Variants in FAM53A observed in about 807,000 individuals in gnomAD.
The protein encoded by FAM53A is protein FAM53A.
In FAM53A, 28 loss-of-function variants were observed where a neutral mutation model predicts 26.6. The observed-to-expected ratio is 1.05, with a 90% confidence interval of 0.78 to 1.45. FAM53A has a LOEUF of 1.45. FAM53A is among the 40% of genes most tolerant of loss of function. The pLI, the probability that FAM53A is intolerant of heterozygous loss-of-function variation, is 0.00. For synonymous variants in FAM53A, 290 were observed against 253.1 expected (o/e 1.15, Z -1.38); for missense variants, 650 against 575.8 (o/e 1.13, Z -1.32).
chr4:1,655,167 A>T lies in FAM53A; in HGVS notation c.693T>A (p.Gly231=). The T allele has an allele frequency of 6.4e-7, 1 of 1,572,202 alleles. No individual in the cohort carries two copies. Residue 231 remains glycine, a synonymous_variant, in exon 4 of 5, where the codon GGT becomes GGA. Transcript: ENST00000308132. ...TGGCCCAGGGCAGGGGAGTGCCCGC[A>T]CCCGCGAGTCGCTCCTGTGAGAGGG... ...RPSLSQERLA[G]AGTPLPWASS...
At chr4:1,624,422 C>T (rs569776811) in intron 1 of FAM53A, among the ~76,000 whole-genome samples, 4 of 152,172 alleles carry the variant, frequency 2.6e-5, no homozygotes, top group African/African-American at 4.8e-5. Context: ...CGTGACCCCC[C>T]GAACCACAAA....
intron 1 of FAM53A, among the ~76,000 whole-genome samples, chr4:1,670,556 T>G (rs941730027): frequency 5.3e-5 from 8 of 152,222 alleles, no homozygotes; most frequent in Non-Finnish European, 1.0e-4. Context: ...AGCTAAAGGC[T>G]GTGCCCGCCT....
intron 4 of FAM53A, among the ~76,000 whole-genome samples, chr4:1,651,210 G>T (rs144350323): frequency 7.3e-6 from 1 of 137,650 alleles, no homozygotes; most frequent in African/African-American, 2.7e-5. Flanking sequence ...GGGACAGAGC[G>T]AGACTCCATC....
In FAM53A at chr4:1,668,780, C is replaced by G. The variant is rs748292345; in HGVS notation, c.-39G>C. 1 of 1,598,404 alleles carries G rather than the reference C, an allele frequency of 6.3e-7. No homozygotes were observed. The highest frequency in any genetic ancestry group is 2.2e-5 in the East Asian group (1 of 44,760). Reference sequence around the variant, plus strand: ...TGTCCTCCGTCCACACCAACAGGCACTGGAGTCCTGGAACATCAGACTTGC... The same window carrying G: ...TGTCCTCCGTCCACACCAACAGGCAGTGGAGTCCTGGAACATCAGACTTGC... On this transcript the variant is annotated 5_prime_UTR_variant, in exon 2 of 5. Transcript: ENST00000308132.
chr4:1,626,646 C>G (rs1715319675), intron 1 of FAM53A, among the ~76,000 whole-genome samples: 1 of 151,978 alleles, frequency 6.6e-6, no homozygotes, highest in Non-Finnish European at 1.5e-5. Flanking sequence ...AAACTCTCAG[C>G]CACGGCCATG....
the FAM53A span, among the ~76,000 whole-genome samples, chr4:1,583,258 C>T: frequency 2.6e-5 from 4 of 152,114 alleles, no homozygotes; most frequent in African/African-American, 9.7e-5. Flanking sequence ...GGCGGAGTGT[C>T]CTCTGCAGGC....
the FAM53A span, among the ~76,000 whole-genome samples, chr4:1,599,756 C>T: frequency 2.6e-5 from 4 of 152,272 alleles, no homozygotes; most frequent in South Asian, 2.1e-4. The surrounding 1 kb of genome is among the most constrained non-coding windows in gnomAD (Gnocchi z 6.1). Flanking sequence ...CCACACACCC[C>T]GCCACCTGCC....
chr4:1,619,324 G>A (rs756808523), intron 1 of FAM53A, among the ~76,000 whole-genome samples: 33 of 152,310 alleles, frequency 2.2e-4, no homozygotes, highest in Admixed American at 1.0e-3. Flanking sequence ...CTGCCAGGGC[G>A]GCCAACGACC....
chr4:1,675,669 C>T (rs1193299538), intron 1 of FAM53A, among the ~76,000 whole-genome samples: 2 of 152,240 alleles, frequency 1.3e-5, no homozygotes, highest in Non-Finnish European at 2.9e-5. Flanking sequence ...CAGCAGCCTA[C>T]ACTCATTCCC....
chr4:1,674,092 C>T (rs759368977), intron 1 of FAM53A, among the ~76,000 whole-genome samples: 22 of 152,246 alleles, frequency 1.4e-4, no homozygotes, highest in African/African-American at 4.6e-4. Flanking sequence ...TTTACTCTCA[C>T]AGTTCTGGAG....
chr4:1,656,671 GGGGGT>G (rs774593025), intron 3 of FAM53A, among the ~76,000 whole-genome samples: 2 of 152,176 alleles, frequency 1.3e-5, no homozygotes, highest in Non-Finnish European at 1.5e-5. Context: ...AGGCCCGGCA[GGGGGT>G]GGGGCTCTGG....
chr4:1,659,951 C>T lies in FAM53A; in HGVS notation c.76-2483G>A, dbSNP rs1024307643. Among the ~76,000 whole-genome samples the T allele has an allele frequency of 5.3e-5, 8 of 152,134 alleles. No individual in the cohort carries two copies. Among genetic ancestry groups the T allele is most frequent in the African/African-American group, 1.9e-4 (8 of 41,424 alleles). On this transcript the variant is annotated intron_variant, in intron 2 of 4. Coordinates refer to ENST00000308132, the MANE Select transcript of FAM53A (RefSeq NM_001174070.3). This position sits in a 1 kb window ranked among gnomAD's most constrained non-coding sequence, Gnocchi z 5.2. ...CCCGTCACCTTGAGGGTGAGGACTTCAACATATGGGTTTCGGGGAATGTGA... is the reference window on the plus strand; with the variant it reads ...CCCGTCACCTTGAGGGTGAGGACTTTAACATATGGGTTTCGGGGAATGTGA...
chr4:1,629,004 G>A (rs1369766331), intron 1 of FAM53A, among the ~76,000 whole-genome samples: 2 of 151,886 alleles, frequency 1.3e-5, no homozygotes, highest in South Asian at 2.1e-4. Context: ...CCCCGTGACC[G>A]CGTGGTCTCC....
the FAM53A span, among the ~76,000 whole-genome samples, chr4:1,594,835 C>T: frequency 2.1e-4 from 32 of 151,966 alleles, no homozygotes; most frequent in African/African-American, 7.5e-4. Flanking sequence ...AGAGCAAGAC[C>T]CTGTCTCTTA....
At chr4:1,638,447 A>G (rs1184415934), downstream of FAM53A, among the ~76,000 whole-genome samples, 1 of 152,018 alleles carries the variant, frequency 6.6e-6, no homozygotes, top group East Asian at 1.9e-4. Context: ...GACACCCTAC[A>G]TCAAGGGCAC....
chr4:1,642,598 GGT>G (rs1387776576), intron 4 of FAM53A, among the ~76,000 whole-genome samples: 1 of 152,180 alleles, frequency 6.6e-6, no homozygotes, highest in Non-Finnish European at 1.5e-5. Flanking sequence ...AGACCCAGCA[GGT>G]GTGTCCAGCT....
intron 1 of FAM53A, among the ~76,000 whole-genome samples, chr4:1,671,767 C>T (rs1406663844): frequency 6.6e-6 from 1 of 152,288 alleles, no homozygotes; most frequent in Non-Finnish European, 1.5e-5. Flanking sequence ...AGGGGCTGCA[C>T]ACCCACCTTC....
chr4:1,651,226 A>G (rs1377623412), intron 4 of FAM53A, among the ~76,000 whole-genome samples: 2 of 148,040 alleles, frequency 1.4e-5, no homozygotes, highest in African/African-American at 5.0e-5. Flanking sequence ...CCATCTCGAA[A>G]AAAAAAAAAA....
intron 4 of FAM53A, among the ~76,000 whole-genome samples, chr4:1,645,235 G>A (rs541913282): frequency 1.9e-4 from 29 of 152,254 alleles, no homozygotes; most frequent in African/African-American, 5.3e-4. Flanking sequence ...CCCACAGGGC[G>A]CAGGGATGTC....
Sources: gnomAD v4.1 joint callset for allele counts (sites outside exome capture counted in the v4.1 genomes callset) on GRCh38, gnomAD v4.1.1 for gene constraint, Gnocchi (gnomAD v3.1) non-coding constraint, MANE v1.5 for transcripts, NCBI Gene and HGNC (gene_info 2026-07-23, HGNC 2026-07-21) for gene names.